The following MGAT5B variants were observed in gnomAD, a reference collection of about 807,000 sequenced individuals.
MGAT5B encodes the protein alpha-1,6-mannosylglycoprotein 6-beta-N-acetylglucosaminyltransferase B.
A neutral mutation model predicts 95.1 loss-of-function variants in MGAT5B; 54 were observed. That is an observed-to-expected ratio of 0.57 (90% CI 0.46 to 0.71). The LOEUF (loss-of-function observed/expected upper bound fraction) is 0.71. MGAT5B is among the 30% of genes least tolerant of loss of function. MGAT5B has a pLI of 0.00. For missense variants in MGAT5B, 935 were observed against 1,088.6 expected (o/e 0.86, Z 1.99); for synonymous variants, 464 against 451.0 (o/e 1.03, Z -0.36).
Position 76,938,903 on chromosome 17 carries a change from T to G in MGAT5B, c.1584+760T>G, listed in dbSNP as rs1246664700. On this transcript the variant is annotated intron_variant, in intron 13 of 17. Transcript: ENST00000569840. This position sits in a 1 kb window ranked among gnomAD's most constrained non-coding sequence, Gnocchi z 4.3. The stretch of plus-strand genomic sequence containing the variant: ...TACATTGCCCAGGCTGGTGTCAATC[T>G]CCTGGGCTTAAGCGATCCTACCACC... 6.6e-6 allele frequency among the ~76,000 whole-genome samples: 1 copy of G among 151,958 alleles called. No individual in the cohort carries two copies. The highest frequency in any genetic ancestry group is 2.4e-5 in the African/African-American group (1 of 41,380).
At chr17:76,947,792 C>T (rs776328498) in intron 16 of MGAT5B, 38 bp from the exon 17 acceptor site, 32 of 1,506,850 alleles carry the variant, frequency 2.1e-5, no homozygotes, top group Admixed American at 6.9e-5. Flanking sequence ...ACACCTGGGT[C>T]GCACTTCCCC....
Position 76,868,958 on chromosome 17 carries a change from C to G in MGAT5B, c.-72C>G, listed in dbSNP as rs1364973766. On this transcript the variant is annotated 5_prime_UTR_variant, in exon 1 of 18. Transcript: ENST00000569840. The surrounding 1 kb of genome is among the most constrained non-coding windows in gnomAD (Gnocchi z 6.3). ...GCCCGCAGAGGGTTCGTGGCCCGGA[C>G]GCGGCGAGAGCTGGGCCCAGGACGG... is the stretch of plus-strand genomic sequence containing the variant. 1.4e-6 allele frequency: 2 copies of G among 1,480,980 alleles called. No homozygotes were observed. The highest frequency in any genetic ancestry group is 1.1e-5 in the South Asian group (1 of 87,396). 91.7% of individuals were successfully genotyped at this position (1,480,980 alleles called of 1,614,324 possible).
chr17:76,948,141 G>A, intron 17 of MGAT5B, 55 bp downstream of exon 17: 1 of 1,531,402 alleles, frequency 6.5e-7, no homozygotes, highest in Non-Finnish European at 8.8e-7. Flanking sequence ...GCCCAGCCGG[G>A]TTCACTGAGA....
chr17:76,935,430 G>GGTGGTCATGCCATT (rs200929474), intron 12 of MGAT5B, among the ~76,000 whole-genome samples: 70,130 of 151,144 alleles, frequency 0.46, 16,646 homozygotes, highest in Admixed American at 0.5. Context: ...TTTTTTAAAA[G>GGTGGTCATGCCATT]TTATTACGAG....
At position 76,883,895 on chromosome 17, in the gene MGAT5B, A is replaced by G. The variant is rs374174376; in HGVS notation, c.329+1597A>G. On this transcript the variant is annotated intron_variant, in intron 3 of 17. Transcript: ENST00000569840. ...GGTTGGAGGGATGCCTGCCTGAGTCAGGCCTGAAACACAGTGCGCCCATGT... is the reference window on the plus strand; with the variant it reads ...GGTTGGAGGGATGCCTGCCTGAGTCGGGCCTGAAACACAGTGCGCCCATGT... 3.3e-5 allele frequency among the ~76,000 whole-genome samples: 5 copies of G among 152,324 alleles called. 1 individual carries two copies. The highest frequency in any genetic ancestry group is 1.9e-4 in the East Asian group (1 of 5,180).
intron 2 of MGAT5B, among the ~76,000 whole-genome samples, chr17:76,878,797 G>C (rs1281160006): frequency 2.0e-5 from 3 of 152,134 alleles, no homozygotes; most frequent in African/African-American, 7.2e-5. Flanking sequence ...TTATAGGAGC[G>C]TTTCTTTCTT....
In MGAT5B at chr17:76,948,043, C is replaced by A; in HGVS notation, c.2137C>A (p.Pro713Thr). 6.2e-7 allele frequency: 1 copy of A among 1,612,370 alleles called. No individual in the cohort carries two copies. The highest frequency in any genetic ancestry group is 1.3e-5 in the African/African-American group (1 of 75,054). ...CCTGGACCACGGGCTAATCTGTGAG[C>A]CCTCCTTCTTCCCCTTCCTGAACAG... ...TCLDHGLICE[P>T]SFFPFLNSQD... Residue 713 changes from proline (P) to threonine (T), a missense_variant, in exon 17 of 18, where the codon CCC becomes ACC. Transcript: ENST00000569840.
Position 76,882,203 on chromosome 17 carries a change from G to A in MGAT5B, c.234G>A (p.Leu78=). The A allele has an allele frequency of 6.2e-7, 1 of 1,613,632 alleles. No homozygotes were observed. The highest frequency in any genetic ancestry group is 8.5e-7 in the Non-Finnish European group (1 of 1,179,882). ...TCCTGCGCAAGATGAGCGACCTGCT[G>A]GAGCTGATGGTGAAGCGCATGGACG... ...RGVLRKMSDL[L]ELMVKRMDAL... is the part of the protein sequence containing the mutation. The change falls in exon 3 of 18, where the codon CTG becomes CTA. Residue 78 remains leucine, a synonymous_variant. Transcript: ENST00000569840.
chr17:76,899,180 G>A (rs1968211041), intron 3 of MGAT5B, among the ~76,000 whole-genome samples: 1 of 152,204 alleles, frequency 6.6e-6, no homozygotes, highest in South Asian at 2.1e-4. Flanking sequence ...GGCTTGTCTT[G>A]ACATAGGTTG....
chr17:76,903,278 T>A, intron 4 of MGAT5B, 25 bp from the exon 5 acceptor site: 1 of 1,598,692 alleles, frequency 6.3e-7, no homozygotes. Context: ...ACCAGGGACT[T>A]CAGCAAGGTG....
In MGAT5B at chr17:76,914,321, G is replaced by A. The variant is rs1296155938; in HGVS notation, c.1025+8134G>A. On this transcript the variant is annotated intron_variant, in intron 8 of 17. Coordinates refer to ENST00000569840, the MANE Select transcript of MGAT5B (RefSeq NM_001199172.2). The surrounding 1 kb of genome is among the most constrained non-coding windows in gnomAD (Gnocchi z 5.1). ...GTGAGTGTCTGCACTCCTCCAAGGA[G>A]CTTGGCCAGGAGCCGGGAGGAGAAA... Among the ~76,000 whole-genome samples, 1 of 152,198 alleles carries A rather than the reference G, an allele frequency of 6.6e-6. No homozygotes were observed. The highest frequency in any genetic ancestry group is 2.1e-4 in the South Asian group (1 of 4,836).
rs146680809 is a variant in MGAT5B at position 76,928,758 on chromosome 17, T to C, written c.1291+2028T>C. 9.7e-4 allele frequency among the ~76,000 whole-genome samples: 147 copies of C among 152,012 alleles called. 5 individuals are homozygous for C. The East Asian group carries it at 0.022, about 23-fold the overall frequency. On this transcript the variant is annotated intron_variant, in intron 10 of 17. Transcript: ENST00000569840. ...AAAAAAGGAAGGGAAGCAGTCAGAT[T>C]GGAGGCTGGTAAGAGGAGCATGGAG...
rs1007063416 is a variant in MGAT5B, at chr17:76,870,311, G to T, written c.68+1214G>T. Reference sequence around the variant, plus strand: ...GTCAGGCTGGACCTCTGCGGTCCGGGGGTCCGGGAGGCCCGGAGAGCTGGT... The same window carrying T: ...GTCAGGCTGGACCTCTGCGGTCCGGTGGTCCGGGAGGCCCGGAGAGCTGGT... On this transcript the variant is annotated intron_variant, in intron 1 of 17. Transcript: ENST00000569840. The surrounding 1 kb of genome is among the most constrained non-coding windows in gnomAD (Gnocchi z 5.0). Among the ~76,000 whole-genome samples, 6 of 152,128 alleles carry T rather than the reference G, an allele frequency of 3.9e-5. No individual in the cohort carries two copies. Among genetic ancestry groups the T allele is most frequent in the African/African-American group, 1.4e-4 (6 of 41,436 alleles).
At chr17:76,902,713 C>A in intron 4 of MGAT5B, 43 bp downstream of exon 4, 527 of 709,744 alleles carry the variant, frequency 7.4e-4, no homozygotes, top group Non-Finnish European at 1.1e-3. Flanking sequence ...CCTAGGGGGC[C>A]AATGAACTGG....
intron 11 of MGAT5B, 101 bp from the exon 12 acceptor site, chr17:76,933,191 G>A (rs1969550410): frequency 1.3e-6 from 2 of 1,492,932 alleles, no homozygotes; most frequent in African/African-American, 1.4e-5. Flanking sequence ...CAGGGTTGGG[G>A]GCCCCAGAGA....
intron 3 of MGAT5B, among the ~76,000 whole-genome samples, chr17:76,883,138 T>C (rs626944): frequency 0.48 from 72,439 of 151,748 alleles, 22,162 homozygotes; most frequent in African/African-American, 0.84. Context: ...GCTGGGATTA[T>C]AGGAGAGCAC....
At position 76,869,765 on chromosome 17, in the gene MGAT5B, G is replaced by A. The variant is rs915145779; in HGVS notation, c.68+668G>A. Among the ~76,000 whole-genome samples, 1 of 152,206 alleles carries A rather than the reference G, an allele frequency of 6.6e-6. No individual in the cohort carries two copies. Among genetic ancestry groups the A allele is most frequent in the Admixed American group, 6.5e-5 (1 of 15,282 alleles). On this transcript the variant is annotated intron_variant, in intron 1 of 17. Transcript: ENST00000569840. The surrounding 1 kb of genome is among the most constrained non-coding windows in gnomAD (Gnocchi z 7.0). ...GCTGGAGCCGAGGCTGCGGCGGAGC[G>A]TGGTGGGCGGGCGGTGGCGAAGGCG... is the stretch of plus-strand genomic sequence containing the variant.
chr17:76,949,419 G>C lies in MGAT5B; in HGVS notation c.*581G>C, dbSNP rs1390100455. ...TGGTGTTTGGGATGTGGACAGAGGG[G>C]CAGGGGGCTGGGAGAAGGCTAAGCC... is the stretch of plus-strand genomic sequence containing the variant. On this transcript the variant is annotated 3_prime_UTR_variant, in exon 18 of 18. Coordinates refer to ENST00000569840, the MANE Select transcript of MGAT5B (RefSeq NM_001199172.2). 1 of 153,164 alleles carries C rather than the reference G, an allele frequency of 6.5e-6. No individual in the cohort carries two copies. Among genetic ancestry groups the C allele is most frequent in the Non-Finnish European group, 1.5e-5 (1 of 68,788 alleles). The allele number at this position is 153,164 out of a possible 1,614,324, so 9.5% of individuals were successfully genotyped here. A position where few individuals can be genotyped will look rare whatever the true frequency, so the allele number is the denominator to read the frequency against.
intron 4 of MGAT5B, 112 bp downstream of exon 4, chr17:76,902,782 G>A (rs1266503944): frequency 2.3e-6 from 2 of 854,232 alleles, no homozygotes; most frequent in Non-Finnish European, 3.7e-6. Context: ...TCTCCTGACA[G>A]CAGCTCTGCT....
Sources: gnomAD v4.1 joint callset for allele counts (sites outside exome capture counted in the v4.1 genomes callset) on GRCh38, gnomAD v4.1.1 for gene constraint, Gnocchi (gnomAD v3.1) non-coding constraint, MANE v1.5 for transcripts, NCBI Gene and HGNC (gene_info 2026-07-23, HGNC 2026-07-21) for gene names.